CSGALNACT1: variants seen among roughly 807,000 people sequenced by gnomAD.
CSGALNACT1 encodes chondroitin sulfate N-acetylgalactosaminyltransferase 1.
Under a neutral mutation model 51.0 loss-of-function variants are expected in CSGALNACT1, and 52 were observed. The observed-to-expected ratio is 1.02, with a 90% CI of 0.82 to 1.29. The LOEUF (loss-of-function observed/expected upper bound fraction) is 1.29. Among genes scored for constraint, CSGALNACT1 ranks in the 50% most tolerant of loss-of-function variants. The probability of loss-of-function intolerance (pLI) is 0.00; values close to 1 mark genes in which losing one functional copy is unlikely to be tolerated. For synonymous variants in CSGALNACT1, 341 were observed against 254.4 expected, an observed-to-expected ratio of 1.34 and a Z score of -3.24; for missense variants, 935 against 679.2, an observed-to-expected ratio of 1.38 and a Z score of -4.19.
At chr8:19,556,541 G>A (rs551312067) in intron 3 of CSGALNACT1, among the ~76,000 whole-genome samples, 17 of 152,192 alleles carry the variant, frequency 1.1e-4, no homozygotes, top group African/African-American at 2.2e-4. Flanking sequence ...TCAGTGTCAC[G>A]GCACCACGGC....
At chr8:19,427,579 G>T (rs1585739647) in intron 6 of CSGALNACT1, among the ~76,000 whole-genome samples, 1 of 152,094 alleles carries the variant, frequency 6.6e-6, no homozygotes, top group South Asian at 2.1e-4. Flanking sequence ...ACGAGGTCAG[G>T]AGATCGAGAC....
chr8:19,746,949 G>T (rs1186319143), intron 1 of CSGALNACT1, among the ~76,000 whole-genome samples: 1 of 152,208 alleles, frequency 6.6e-6, no homozygotes, highest in African/African-American at 2.4e-5. Flanking sequence ...ACCATCGCTT[G>T]TGGACACCAG....
chr8:19,523,802 T>C (rs1217427663), intron 3 of CSGALNACT1, among the ~76,000 whole-genome samples: 1 of 152,104 alleles, frequency 6.6e-6, no homozygotes, highest in Non-Finnish European at 1.5e-5. Context: ...CAAGGACAGT[T>C]CTAAAAACAA....
chr8:19,645,666 G>A (rs989024353), intron 1 of CSGALNACT1, among the ~76,000 whole-genome samples: 2 of 152,226 alleles, frequency 1.3e-5, no homozygotes, highest in South Asian at 2.1e-4. Context: ...ATGAAAGACT[G>A]GACTCCTGGG....
chr8:19,451,519 T>G (rs2063178803), intron 5 of CSGALNACT1, among the ~76,000 whole-genome samples: 1 of 152,170 alleles, frequency 6.6e-6, no homozygotes, highest in Non-Finnish European at 1.5e-5. Context: ...AGGAATAAAT[T>G]TTGTCCCCAT....
At chr8:19,414,201 C>T (rs958864034) in intron 8 of CSGALNACT1, among the ~76,000 whole-genome samples, 1 of 152,186 alleles carries the variant, frequency 6.6e-6, no homozygotes, top group Admixed American at 6.5e-5. Flanking sequence ...TATTTACCAG[C>T]ACATCTCTGG....
intron 3 of CSGALNACT1, among the ~76,000 whole-genome samples, chr8:19,571,004 G>A (rs2042910554): frequency 6.6e-6 from 1 of 152,088 alleles, no homozygotes; most frequent in South Asian, 2.1e-4. Context: ...TTTGAGACAG[G>A]TTCTTGCTTT....
intron 1 of CSGALNACT1, among the ~76,000 whole-genome samples, chr8:19,665,316 G>A (rs2059099592): frequency 2.6e-5 from 4 of 152,184 alleles, no homozygotes; most frequent in Admixed American, 2.6e-4. Context: ...CTTCTTTGTA[G>A]AAGTATTCAC....
At chr8:19,565,310 G>A (rs552881890) in intron 3 of CSGALNACT1, among the ~76,000 whole-genome samples, 1 of 152,250 alleles carries the variant, frequency 6.6e-6, no homozygotes, top group South Asian at 2.1e-4. Context: ...GTAAAATAAA[G>A]GACTCCCCTC....
At position 19,663,709 on chromosome 8, in the gene CSGALNACT1, T is replaced by TAC. The variant is rs1207219173; in HGVS notation, c.-544+18762_-544+18763dup. On this transcript the variant is annotated intron_variant, in intron 1 of 9. Transcript: ENST00000332246. ...AACATACTTAAAGAGACAAATGTAT[T>TAC]ACCTGGAATAACTTGAGGAAAACGC... Among the ~76,000 whole-genome samples the TAC allele has an allele frequency of 6.6e-5, 10 of 152,354 alleles. No homozygotes were observed. In the South Asian group the frequency reaches 2.1e-3, roughly 32 times the overall value.
chr8:19,741,559 TCAAA>T (rs1563194993), intron 1 of CSGALNACT1, among the ~76,000 whole-genome samples: 7 of 53,822 alleles, frequency 1.3e-4, no homozygotes, highest in Admixed American at 2.0e-4. Flanking sequence ...TGAGACTCCA[TCAAA>T]AAAAAAAAAA....
At chr8:19,715,375 T>A (rs145117919) in intron 1 of CSGALNACT1, among the ~76,000 whole-genome samples, 208 of 152,336 alleles carry the variant, frequency 1.4e-3, no homozygotes, top group African/African-American at 4.8e-3. Flanking sequence ...TGAGAACATA[T>A]GGGATTTGCT....
rs572725874 is a variant in CSGALNACT1 at position 19,570,698 on chromosome 8, G to A, written c.-297+20462C>T. Among the ~76,000 whole-genome samples, 45 of 152,246 alleles carry A rather than the reference G, an allele frequency of 3.0e-4. 1 individual carries two copies. Among genetic ancestry groups the A allele is most frequent in the Middle Eastern group, 3.4e-3 (1 of 294 alleles). ...GGGCAGATCACGAGGGTAGGAGTTC[G>A]AGACCAGCTCGGCCAACATGGTGAA... On this transcript the variant is annotated intron_variant, in intron 3 of 9. Coordinates refer to ENST00000454498, the Ensembl canonical transcript of CSGALNACT1.
intron 5 of CSGALNACT1, chr8:19,457,657 A>C (rs1456558771): frequency 5.0e-5 from 65 of 1,288,334 alleles, no homozygotes; most frequent in Non-Finnish European, 6.4e-5. Context: ...CAAGATTTAT[A>C]ATTAGACAGT....
At chr8:19,675,162 C>A (rs1047193428) in intron 1 of CSGALNACT1, among the ~76,000 whole-genome samples, 1 of 152,188 alleles carries the variant, frequency 6.6e-6, no homozygotes, top group Non-Finnish European at 1.5e-5. Context: ...AAGTGCCCAG[C>A]CATTCTTCCT....
chr8:19,597,201 C>A (rs527591062), intron 2 of CSGALNACT1, among the ~76,000 whole-genome samples: 8 of 151,394 alleles, frequency 5.3e-5, no homozygotes, highest in Non-Finnish European at 1.2e-4. Flanking sequence ...GAAAAATATT[C>A]CATTGTATGG....
chr8:19,561,903 G>A (rs1043949502), intron 3 of CSGALNACT1, among the ~76,000 whole-genome samples: 3 of 152,122 alleles, frequency 2.0e-5, no homozygotes, highest in African/African-American at 4.8e-5. Context: ...AGATGGGTGG[G>A]GAGGGATTGC....
intron 3 of CSGALNACT1, among the ~76,000 whole-genome samples, chr8:19,574,788 T>C (rs931366514): frequency 3.3e-5 from 5 of 151,994 alleles, no homozygotes; most frequent in African/African-American, 4.8e-5. Context: ...TCCCAACACT[T>C]TGGGAGGCTG....
chr8:19,419,793 G>A (rs2057600833), intron 7 of CSGALNACT1, among the ~76,000 whole-genome samples: 1 of 152,170 alleles, frequency 6.6e-6, no homozygotes, highest in South Asian at 2.1e-4. Flanking sequence ...GTGGCTGACA[G>A]GCCCATGATG....
Sources: gnomAD v4.1 joint callset for allele counts (sites outside exome capture counted in the v4.1 genomes callset) on GRCh38, gnomAD v4.1.1 for gene constraint, MANE v1.5 for transcripts, NCBI Gene and HGNC (gene_info 2026-07-23, HGNC 2026-07-21) for gene names.